Variants in KAT6B observed in about 807,000 individuals in gnomAD.
The protein encoded by KAT6B is histone acetyltransferase KAT6B.
In KAT6B, 10 loss-of-function variants were observed where a neutral mutation model predicts 187.5. That is an observed-to-expected ratio of 0.05 (90% CI 0.03 to 0.09). The LOEUF is 0.09. Ranked by LOEUF, KAT6B falls within the 10% of genes least tolerant of loss-of-function variation. The probability of loss-of-function intolerance (pLI) is 1.00; values close to 1 mark genes in which losing one functional copy is unlikely to be tolerated. For synonymous variants in KAT6B, 861 were observed against 926.8 expected, an observed-to-expected ratio of 0.93 and a Z score of 1.29; for missense variants, 1,952 against 2,558.9, an observed-to-expected ratio of 0.76 and a Z score of 5.12.
chr10:74,898,325 TG>T (rs1169605845), intron 3 of KAT6B, among the ~76,000 whole-genome samples: 4 of 152,228 alleles, frequency 2.6e-5, no homozygotes. Context: ...GTAGCCTTTT[TG>T]AGCTTTGTTT....
rs994033075 is a variant in KAT6B, at chr10:74,977,316, A to C, written c.1994A>C (p.Asp665Ala). ...DGRIKPDQDDDTEIKINIKQE... is the reference protein window; with the variant it reads ...DGRIKPDQDDATEIKINIKQE... ...ACTTTCTGCTGGTTTTAAATGACAG[A>C]TACTGAAATAAAAATAAACATCAAA... Residue 665 changes from aspartate (D) to alanine (A), a missense_variant and splice_region_variant, in exon 9 of 18, where the codon GAT (aspartate) becomes GCT (alanine). Physicochemically the swap from Asp to Ala is moderately radical, Grantham distance 126 (BLOSUM62 -2). This residue lies in a region of KAT6B where 417 missense variants were observed against 508.9 expected (regional missense o/e 0.82). Coordinates refer to ENST00000287239, the MANE Select transcript of KAT6B (RefSeq NM_012330.4). The C allele has an allele frequency of 6.2e-7, 1 of 1,612,966 alleles. No individual in the cohort carries two copies. The highest frequency in any genetic ancestry group is 1.7e-5 in the Admixed American group (1 of 59,974).
chr10:74,981,530 C>T (rs1338395079), intron 10 of KAT6B, among the ~76,000 whole-genome samples: 3 of 152,102 alleles, frequency 2.0e-5, no homozygotes, highest in Admixed American at 1.3e-4. Flanking sequence ...TGTGCCACCA[C>T]GCCCAGCTAA....
chr10:74,905,119 A>G (rs1405710361), intron 3 of KAT6B, among the ~76,000 whole-genome samples: 1 of 152,214 alleles, frequency 6.6e-6, no homozygotes, highest in South Asian at 2.1e-4. Context: ...TAGATAGTCT[A>G]AAAGTGAAGC....
intron 3 of KAT6B, among the ~76,000 whole-genome samples, chr10:74,915,214 G>T (rs941250392): frequency 1.3e-5 from 2 of 152,138 alleles, no homozygotes; most frequent in Non-Finnish European, 2.9e-5. Context: ...ATAAGAATCA[G>T]TTGTCTAATG....
Position 74,939,769 on chromosome 10 carries a change from G to A in KAT6B, c.622-20201G>A, listed in dbSNP as rs975101261. Among the ~76,000 whole-genome samples the A allele has an allele frequency of 2.0e-5, 3 of 152,182 alleles. No homozygotes were observed. The East Asian group carries it at 5.8e-4, about 29-fold the overall frequency. On this transcript the variant is annotated intron_variant, in intron 3 of 17. Coordinates refer to ENST00000287239, the MANE Select transcript of KAT6B (RefSeq NM_012330.4). ...GATTTTAAACAACTAAATTGGCAAA[G>A]GGAAGAAATTTGATAAAATATGTTG...
At chr10:74,914,436 A>G (rs1847497713) in intron 3 of KAT6B, among the ~76,000 whole-genome samples, 1 of 152,134 alleles carries the variant, frequency 6.6e-6, no homozygotes, top group Non-Finnish European at 1.5e-5. Context: ...AATTTTTTCA[A>G]TATTAGATGC....
intron 13 of KAT6B, among the ~76,000 whole-genome samples, chr10:75,013,330 C>T (rs1244933430): frequency 6.6e-6 from 1 of 151,370 alleles, no homozygotes; most frequent in Non-Finnish European, 1.5e-5. Flanking sequence ...ACTTTGTTGC[C>T]ATTTCTTAAG....
At chr10:74,891,786 C>T (rs968539870) in intron 3 of KAT6B, among the ~76,000 whole-genome samples, 3 of 152,128 alleles carry the variant, frequency 2.0e-5, no homozygotes, top group African/African-American at 7.2e-5. Flanking sequence ...TGGCATGTAA[C>T]GTGGACTGGC....
intron 4 of KAT6B, among the ~76,000 whole-genome samples, chr10:74,967,635 A>G (rs933619044): frequency 1.3e-5 from 2 of 152,226 alleles, no homozygotes; most frequent in African/African-American, 4.8e-5. Context: ...GCCTAAAGGA[A>G]AGATAGGCTG....
intron 3 of KAT6B, among the ~76,000 whole-genome samples, chr10:74,865,111 G>A (rs1008624737): frequency 6.6e-6 from 1 of 152,122 alleles, no homozygotes; most frequent in Admixed American, 6.5e-5. Context: ...TCTTCATAGG[G>A]TTGTTAATTA....
At chr10:74,912,287 TTG>T in intron 3 of KAT6B, among the ~76,000 whole-genome samples, 1 of 152,218 alleles carries the variant, frequency 6.6e-6, no homozygotes, top group East Asian at 1.9e-4. Flanking sequence ...TGTTAATTGA[TTG>T]TCTCATGTAT....
intron 4 of KAT6B, among the ~76,000 whole-genome samples, chr10:74,965,552 C>T (rs966348148): frequency 3.3e-5 from 5 of 152,044 alleles, no homozygotes; most frequent in African/African-American, 9.7e-5. Flanking sequence ...GTGTCTGAGT[C>T]GTTATTAGTT....
At chr10:74,879,475 A>G (rs1220827192) in intron 3 of KAT6B, among the ~76,000 whole-genome samples, 2 of 152,180 alleles carry the variant, frequency 1.3e-5, no homozygotes, top group African/African-American at 2.4e-5. Context: ...AATAAATGAT[A>G]TTGGATCAGG....
intron 15 of KAT6B, 90 bp from the exon 16 acceptor site, chr10:75,021,791 C>T (rs759118968): frequency 3.1e-5 from 44 of 1,413,152 alleles, no homozygotes; most frequent in Middle Eastern, 3.9e-4. Context: ...TGATCAGAAC[C>T]GACTTAGAGA....
At chr10:74,837,848 T>G in intron 1 of KAT6B, among the ~76,000 whole-genome samples, 1 of 78,218 alleles carries the variant, frequency 1.3e-5, no homozygotes, top group East Asian at 4.2e-4. Flanking sequence ...TAGCTGTGTA[T>G]TTTTTTTTTT....
At chr10:74,867,449 A>G (rs78171304) in intron 3 of KAT6B, among the ~76,000 whole-genome samples, 6 of 152,298 alleles carry the variant, frequency 3.9e-5, no homozygotes, top group East Asian at 1.9e-4. Context: ...ACAAGACTCA[A>G]TTGAATAAAA....
intron 13 of KAT6B, among the ~76,000 whole-genome samples, chr10:75,007,886 C>A (rs987517614): frequency 6.6e-6 from 1 of 152,114 alleles, no homozygotes; most frequent in Non-Finnish European, 1.5e-5. Flanking sequence ...CAGTTTTCAC[C>A]TTGACTGCTT....
chr10:74,961,262 T>G lies in KAT6B; in HGVS notation c.730+1184T>G, dbSNP rs531257292. ...TCCCTGTTTTATGCTGGTGAGGTAGTGCCTCACTCATCAGTTCTGACTCTG... is the reference window on the plus strand; with the variant it reads ...TCCCTGTTTTATGCTGGTGAGGTAGGGCCTCACTCATCAGTTCTGACTCTG... On this transcript the variant is annotated intron_variant, in intron 4 of 17. Coordinates refer to ENST00000287239, the MANE Select transcript of KAT6B (RefSeq NM_012330.4). 3.3e-4 allele frequency among the ~76,000 whole-genome samples: 50 copies of G among 152,332 alleles called. 1 individual carries two copies. Among genetic ancestry groups the G allele is most frequent in the African/African-American group, 1.1e-3 (47 of 41,580 alleles).
rs569172957 is a variant in KAT6B at position 75,022,078 on chromosome 10, GGAGGAGGAGGAC to G, written c.3231_3242del (p.Asp1077_Glu1080del). 4,457 of 1,611,110 alleles carry G rather than the reference GGAGGAGGAGGAC, an allele frequency of 2.8e-3. 8 individuals carry two copies. Among genetic ancestry groups the G allele is most frequent in the Non-Finnish European group, 3.2e-3 (3,732 of 1,177,760 alleles). ...CTAAAGAGAGCAGTGAAGAAGAAGA[GGAGGAGGAGGAC>G]GAGGAGGAGGAAGAAGAGGAGGAAG... On this transcript the variant is annotated inframe_deletion, in exon 16 of 18. Transcript: ENST00000287239.
Sources: gnomAD v4.1 joint callset for allele counts (sites outside exome capture counted in the v4.1 genomes callset) on GRCh38, gnomAD v4.1.1 for gene constraint, gnomAD v4.1.1 regional missense constraint, MANE v1.5 for transcripts, NCBI Gene and HGNC (gene_info 2026-07-23, HGNC 2026-07-21) for gene names.